CDKAL1: variants seen among roughly 807,000 people sequenced by gnomAD.
CDKAL1 encodes CDKAL1 threonylcarbamoyladenosine tRNA methylthiotransferase, also known as threonylcarbamoyladenosine tRNA methylthiotransferase.
A neutral mutation model predicts 68.2 loss-of-function variants in CDKAL1; 32 were observed. The observed-to-expected ratio is 0.47, with a 90% CI of 0.35 to 0.63. The LOEUF (loss-of-function observed/expected upper bound fraction) is 0.63. Ranked by LOEUF, CDKAL1 falls within the 30% of genes least tolerant of loss-of-function variation. The pLI is 0.00. For missense variants in CDKAL1, 606 were observed against 696.7 expected (o/e 0.87, Z 1.47); for synonymous variants, 234 against 244.3 (o/e 0.96, Z 0.39).
intron 7 of CDKAL1, among the ~76,000 whole-genome samples, chr6:20,771,876 C>T (rs1774960574): frequency 6.6e-6 from 1 of 152,160 alleles, no homozygotes; most frequent in South Asian, 2.1e-4. Flanking sequence ...TGAGCAGATG[C>T]TGTTACCATA....
intron 7 of CDKAL1, among the ~76,000 whole-genome samples, chr6:20,768,378 G>A (rs1774791764): frequency 6.6e-6 from 1 of 152,158 alleles, no homozygotes; most frequent in South Asian, 2.1e-4. Context: ...CATTAGAATA[G>A]TTTTTGGCAT....
At chr6:21,002,465 CAGTT>C (rs1767478283) in intron 11 of CDKAL1, among the ~76,000 whole-genome samples, 1 of 152,038 alleles carries the variant, frequency 6.6e-6, no homozygotes, top group Admixed American at 6.6e-5. Context: ...TGAGTCTAGT[CAGTT>C]AGCATCTCTG....
At chr6:20,676,100 C>T (rs892342661) in intron 5 of CDKAL1, among the ~76,000 whole-genome samples, 8 of 151,962 alleles carry the variant, frequency 5.3e-5, no homozygotes, top group Admixed American at 1.3e-4. Flanking sequence ...TACACCTGAA[C>T]AATTTGTGTT....
chr6:20,817,524 A>G (rs1439685149), intron 8 of CDKAL1, among the ~76,000 whole-genome samples: 2 of 152,192 alleles, frequency 1.3e-5, no homozygotes, highest in Non-Finnish European at 2.9e-5. Context: ...CATAAAGACT[A>G]TTATTCAGTC....
chr6:21,112,870 C>T (rs542704212), intron 13 of CDKAL1, among the ~76,000 whole-genome samples: 10 of 152,294 alleles, frequency 6.6e-5, no homozygotes, highest in Admixed American at 5.9e-4. Flanking sequence ...GTGTAATTCT[C>T]CTCACCCACC....
At chr6:21,143,742 A>G (rs1333923064) in intron 13 of CDKAL1, among the ~76,000 whole-genome samples, 1 of 152,172 alleles carries the variant, frequency 6.6e-6, no homozygotes, top group Admixed American at 6.5e-5. Flanking sequence ...TTCTTTCCAC[A>G]TTAAGTCAAC....
intron 11 of CDKAL1, among the ~76,000 whole-genome samples, chr6:21,022,203 T>C (rs1242501902): frequency 1.3e-5 from 2 of 152,160 alleles, no homozygotes; most frequent in Non-Finnish European, 2.9e-5. Flanking sequence ...TAAGTTACAT[T>C]TAAAAATCAG....
At chr6:20,786,261 C>T (rs1333153241) in intron 8 of CDKAL1, among the ~76,000 whole-genome samples, 2 of 151,952 alleles carry the variant, frequency 1.3e-5, no homozygotes, top group Non-Finnish European at 2.9e-5. Flanking sequence ...AAAAGTACAT[C>T]AGTTGCTTTA....
chr6:21,092,987 A>C (rs1326114807), intron 12 of CDKAL1, among the ~76,000 whole-genome samples: 1 of 152,154 alleles, frequency 6.6e-6, no homozygotes, highest in Non-Finnish European at 1.5e-5. Flanking sequence ...TCAAAGAACA[A>C]ATCTGGGAAG....
chr6:20,540,496 C>T (rs1434806804), intron 2 of CDKAL1, among the ~76,000 whole-genome samples: 1 of 147,748 alleles, frequency 6.8e-6, no homozygotes, highest in Non-Finnish European at 1.5e-5. Context: ...CCCTTTGTCG[C>T]CCAGGCTGGA....
chr6:20,574,912 G>C (rs1379771477), intron 4 of CDKAL1, among the ~76,000 whole-genome samples: 1 of 152,100 alleles, frequency 6.6e-6, no homozygotes, highest in Non-Finnish European at 1.5e-5. Context: ...TCCAGATTTA[G>C]TTCAGTTAAT....
chr6:21,225,850 C>T (rs867802950), intron 15 of CDKAL1, among the ~76,000 whole-genome samples: 15 of 152,116 alleles, frequency 9.9e-5, no homozygotes, highest in African/African-American at 1.7e-4. Flanking sequence ...AGGACGTTTG[C>T]GTTTTTCATT....
At chr6:20,584,608 G>A (rs1032843120) in intron 4 of CDKAL1, among the ~76,000 whole-genome samples, 1 of 152,168 alleles carries the variant, frequency 6.6e-6, no homozygotes, top group South Asian at 2.1e-4. Flanking sequence ...AGTCCTTGGT[G>A]AGTTAAGGCT....
intron 11 of CDKAL1, among the ~76,000 whole-genome samples, chr6:21,022,729 C>T (rs1279488642): frequency 2.0e-5 from 3 of 152,184 alleles, no homozygotes; most frequent in Non-Finnish European, 4.4e-5. Context: ...GTCTCTTCAT[C>T]CCTGTCATGC....
chr6:20,709,124 T>TAA (rs57111800), intron 5 of CDKAL1, among the ~76,000 whole-genome samples: 1 of 149,758 alleles, frequency 6.7e-6, no homozygotes, highest in African/African-American at 2.4e-5. Context: ...TAACAGCTGT[T>TAA]AAAAAAAAAA....
intron 8 of CDKAL1, among the ~76,000 whole-genome samples, chr6:20,843,990 A>AT (rs1778277276): frequency 6.6e-6 from 1 of 152,162 alleles, no homozygotes; most frequent in East Asian, 1.9e-4. Context: ...GGAAAAAAAA[A>AT]CAGAGAGAAC....
intron 9 of CDKAL1, among the ~76,000 whole-genome samples, chr6:20,849,390 T>C (rs1758879992): frequency 6.6e-6 from 1 of 152,022 alleles, no homozygotes; most frequent in Non-Finnish European, 1.5e-5. Flanking sequence ...GAGACCATCC[T>C]AACTAACACA....
chr6:20,869,105 C>T (rs1192160514), intron 9 of CDKAL1, among the ~76,000 whole-genome samples: 6 of 152,190 alleles, frequency 3.9e-5, no homozygotes, highest in Non-Finnish European at 8.8e-5. Flanking sequence ...TTGAACAGCA[C>T]TTCATCTGTT....
At chr6:21,077,307 T>C (rs938074646) in intron 12 of CDKAL1, among the ~76,000 whole-genome samples, 2 of 152,166 alleles carry the variant, frequency 1.3e-5, no homozygotes, top group East Asian at 1.9e-4. Flanking sequence ...ATTAAATTCA[T>C]TGTTATAGGG....
Sources: gnomAD v4.1 joint callset for allele counts (sites outside exome capture counted in the v4.1 genomes callset) on GRCh38, gnomAD v4.1.1 for gene constraint, MANE v1.5 for transcripts, NCBI Gene and HGNC (gene_info 2026-07-23, HGNC 2026-07-21) for gene names.